Variants in PPEF2 observed in about 807,000 individuals in gnomAD.
The protein encoded by PPEF2 is protein phosphatase with EF-hand domain 2.
A neutral mutation model predicts 84.7 loss-of-function variants in PPEF2; 84 were observed. That is an observed-to-expected ratio of 0.99 (90% CI 0.83 to 1.19). The LOEUF is 1.19. Ranked by LOEUF, PPEF2 falls within the 50% of genes most tolerant of loss-of-function variation. The probability of loss-of-function intolerance (pLI) is 0.00; values close to 1 mark genes in which losing one functional copy is unlikely to be tolerated. For synonymous variants in PPEF2, 346 were observed against 345.2 expected (o/e 1.00, Z -0.03); for missense variants, 924 against 937.5 (o/e 0.99, Z 0.19).
At chr4:75,878,270 C>A (rs754085028) in intron 10 of PPEF2, among the ~76,000 whole-genome samples, 1 of 152,120 alleles carries the variant, frequency 6.6e-6, no homozygotes, top group Non-Finnish European at 1.5e-5. Flanking sequence ...ATAAGTGGCA[C>A]GAATTCTGAT....
rs188041441 is a variant in PPEF2 at position 75,895,448 on chromosome 4, T to G, written c.55+823A>C. 2.7e-5 allele frequency among the ~76,000 whole-genome samples: 4 copies of G among 148,564 alleles called. No homozygotes were observed. The East Asian group carries it at 5.9e-4, about 22-fold the overall frequency. ...GGTCTCAAAAACAAAAAAAAATTTTTTAGGTTGGGCACGGTGGCTCACGCC... is the reference window on the plus strand; with the variant it reads ...GGTCTCAAAAACAAAAAAAAATTTTGTAGGTTGGGCACGGTGGCTCACGCC... On this transcript the variant is annotated intron_variant, in intron 2 of 16. Transcript: ENST00000286719.
At position 75,888,195 on chromosome 4, in the gene PPEF2, G is replaced by A. The variant is rs767573791; in HGVS notation, c.532+19C>T. 5.3e-5 allele frequency: 82 copies of A among 1,557,350 alleles called. No homozygotes were observed. The highest frequency in any genetic ancestry group is 6.6e-5 in the Non-Finnish European group (74 of 1,128,776). On this transcript the variant is annotated intron_variant, in intron 6 of 16. Transcript: ENST00000286719. ...TTCTTTGTGTGCAGCATGGAAAGCCGTTTCTGACCAGCTCTTACCACACAC... is the reference window on the plus strand; with the variant it reads ...TTCTTTGTGTGCAGCATGGAAAGCCATTTCTGACCAGCTCTTACCACACAC...
chr4:75,882,537 A>ATG (rs1724603996), intron 10 of PPEF2, among the ~76,000 whole-genome samples: 1 of 46,074 alleles, frequency 2.2e-5, no homozygotes, highest in Non-Finnish European at 8.2e-5. Flanking sequence ...CAGGTTCTCA[A>ATG]TCTTTTTTTT....
chr4:75,892,128 G>T, intron 2 of PPEF2, 150 bp from the exon 3 acceptor site: 1 of 1,056,682 alleles, frequency 9.5e-7, no homozygotes. Context: ...CCCATAGGAA[G>T]TATTTCCCTT....
At chr4:75,883,817 CAAAA>C (rs35897623) in intron 8 of PPEF2, among the ~76,000 whole-genome samples, 1 of 60,702 alleles carries the variant, frequency 1.6e-5, no homozygotes. Context: ...GACTCCGTCA[CAAAA>C]AAAAAAAAAA....
intron 1 of PPEF2, among the ~76,000 whole-genome samples, chr4:75,897,869 A>C (rs1419017408): frequency 6.6e-6 from 1 of 152,188 alleles, no homozygotes; most frequent in Non-Finnish European, 1.5e-5. Flanking sequence ...TGCTAGAGGA[A>C]TTAAAGACAC....
At chr4:75,867,487 A>G (rs190928085) in intron 13 of PPEF2, 68 bp from the exon 14 acceptor site, 76 of 1,146,980 alleles carry the variant, frequency 6.6e-5, no homozygotes, top group Admixed American at 9.7e-5. Context: ...AGATTTTACT[A>G]TATTTCCACT....
At chr4:75,865,707 T>C (rs1160644044) in intron 15 of PPEF2, among the ~76,000 whole-genome samples, 2 of 152,170 alleles carry the variant, frequency 1.3e-5, no homozygotes, top group Non-Finnish European at 2.9e-5. Context: ...TTTAAATGGA[T>C]GAATTGCATG....
chr4:75,883,070 G>T lies in PPEF2; in HGVS notation c.789C>A (p.His263Gln). Residue 263 changes from histidine to glutamine, a missense_variant, in exon 10 of 17, where the codon CAC becomes CAA. By Grantham distance (24) the His-to-Gln change is conservative. Coordinates refer to ENST00000286719, the MANE Select transcript of PPEF2 (RefSeq NM_006239.3). ...GCAGGGTTCTTAGTATTTCCTTCCC[G>T]TGTACCTGGAAAAAATGATATAAAC... Reference protein sequence around the residue: ...TKEVMNKYKVHGKEILRTLQD... With the variant: ...TKEVMNKYKVQGKEILRTLQD... The T allele has an allele frequency of 6.2e-7, 1 of 1,613,734 alleles. No individual in the cohort carries two copies. The highest frequency in any genetic ancestry group is 8.5e-7 in the Non-Finnish European group (1 of 1,179,816).
intron 7 of PPEF2, 91 bp from the exon 8 acceptor site, chr4:75,884,851 T>A: frequency 9.0e-7 from 1 of 1,105,554 alleles, no homozygotes; most frequent in Non-Finnish European, 1.3e-6. Flanking sequence ...AATCACATCA[T>A]GTCTAACACC....
intron 16 of PPEF2, among the ~76,000 whole-genome samples, chr4:75,861,279 A>C (rs1363736237): frequency 6.6e-6 from 1 of 152,120 alleles, no homozygotes; most frequent in Non-Finnish European, 1.5e-5. Context: ...AATTATCAAC[A>C]GTACCACTGT....
chr4:75,885,964 G>T (rs904299991), intron 7 of PPEF2, among the ~76,000 whole-genome samples: 1 of 151,832 alleles, frequency 6.6e-6, no homozygotes, highest in Non-Finnish European at 1.5e-5. Flanking sequence ...AGCCGAGATC[G>T]TGCCATTGCA....
chr4:75,863,513 A>G (rs1203508854), intron 16 of PPEF2, among the ~76,000 whole-genome samples: 1 of 151,946 alleles, frequency 6.6e-6, no homozygotes, highest in Non-Finnish European at 1.5e-5. Context: ...AAAAAAAAAA[A>G]AAAAAGTTAT....
intron 5 of PPEF2, among the ~76,000 whole-genome samples, chr4:75,888,600 A>T (rs1007015055): frequency 6.6e-6 from 1 of 152,178 alleles, no homozygotes; most frequent in Non-Finnish European, 1.5e-5. Flanking sequence ...TGCCTTTAGC[A>T]TGGGAAGACC....
chr4:75,886,979 C>G (rs1724745246), intron 6 of PPEF2, 81 bp from the exon 7 acceptor site: 2 of 736,284 alleles, frequency 2.7e-6, no homozygotes. Context: ...AAGAAAATAC[C>G]CAGAAGAATC....
At chr4:75,884,433 A>AAG (rs2149223028) in intron 8 of PPEF2, among the ~76,000 whole-genome samples, 161 bp downstream of exon 8, 1 of 151,672 alleles carries the variant, frequency 6.6e-6, no homozygotes, top group Admixed American at 6.6e-5. Flanking sequence ...CCAAAAAAAA[A>AAG]AAAAATTTTT....
chr4:75,860,824 C>T lies in PPEF2; in HGVS notation c.2105G>A (p.Arg702Gln), dbSNP rs371406892. The T allele has an allele frequency of 2.5e-6, 4 of 1,614,218 alleles. No individual in the cohort carries two copies. Among genetic ancestry groups the T allele is most frequent in the South Asian group, 2.2e-5 (2 of 91,084 alleles). The part of the protein sequence containing the change: ...ITDDCICDLA[R>Q]SIDFNKDGHI... ...GCCATCTTTGTTGAAATCAATGCTC[C>T]GAGCAAGGTCACAGATGCAGTCATC... Residue 702 changes from arginine (R) to glutamine (Q), a missense_variant, in exon 17 of 17, where the codon CGG becomes CAG. Coordinates refer to ENST00000286719, the MANE Select transcript of PPEF2 (RefSeq NM_006239.3).
intron 8 of PPEF2, 145 bp downstream of exon 8, chr4:75,884,449 A>G: frequency 1.2e-6 from 1 of 821,156 alleles, no homozygotes; most frequent in Non-Finnish European, 1.7e-6. Flanking sequence ...TTTTTTTTTG[A>G]ATGTTATATA....
At chr4:75,872,448 C>T (rs568226988) in intron 12 of PPEF2, among the ~76,000 whole-genome samples, 2 of 152,194 alleles carry the variant, frequency 1.3e-5, no homozygotes, top group South Asian at 2.1e-4. Context: ...TAGAAAACAC[C>T]ATATTTGCTT....
Sources: gnomAD v4.1 joint callset for allele counts (sites outside exome capture counted in the v4.1 genomes callset) on GRCh38, gnomAD v4.1.1 for gene constraint, MANE v1.5 for transcripts, NCBI Gene and HGNC (gene_info 2026-07-23, HGNC 2026-07-21) for gene names.